Variants in NTSR2 observed in about 807,000 individuals in gnomAD.
NTSR2 encodes the protein neurotensin receptor 2, also known as neurotensin receptor type 2.
NTSR2 carries 22 observed loss-of-function variants against 24.1 expected under a neutral mutation model. That is an observed-to-expected ratio of 0.91 (90% CI 0.65 to 1.30). The LOEUF is 1.30. Among genes scored for constraint, NTSR2 ranks in the 50% most tolerant of loss-of-function variants. The pLI is 0.00. For missense variants in NTSR2, 570 were observed against 570.4 expected, an observed-to-expected ratio of 1.00 and a Z score of 0.01; for synonymous variants, 291 against 267.0, an observed-to-expected ratio of 1.09 and a Z score of -0.88.
At chr2:11,664,102 C>T (rs1360593428) in intron 1 of NTSR2, among the ~76,000 whole-genome samples, 3 of 150,590 alleles carry the variant, frequency 2.0e-5, no homozygotes, top group Admixed American at 6.7e-5. Flanking sequence ...TCCACCTTTC[C>T]CTTAGCAAAC....
intron 1 of NTSR2, 46 bp downstream of exon 1, chr2:11,669,460 G>GGGCGGGGGGGGGCC: frequency 3.9e-6 from 1 of 254,722 alleles, no homozygotes; most frequent in Non-Finnish European, 6.9e-6. Context: ...TCCCAGCACC[G>GGGCGGGGGGGGGCC]CCCCCCCACC....
At chr2:11,659,749 C>T (rs559066451) in intron 3 of NTSR2, among the ~76,000 whole-genome samples, 1 of 152,320 alleles carries the variant, frequency 6.6e-6, no homozygotes, top group African/African-American at 2.4e-5. Flanking sequence ...GCCTCAGAAG[C>T]ATGGCCCGTG....
At chr2:11,669,433 G>C in intron 1 of NTSR2, 73 bp downstream of exon 1, 1 of 943,174 alleles carries the variant, frequency 1.1e-6, no homozygotes, top group Non-Finnish European at 1.4e-6. Flanking sequence ...GTTCCCCGGG[G>C]AGAGGGGGTT....
At position 11,670,173 on chromosome 2, in the gene NTSR2, T is replaced by C; in HGVS notation, c.-44A>G. The stretch of plus-strand genomic sequence containing the variant: ...GCTCCCTCCCTCTCACTGCCCGGAG[T>C]CTGGGCGAGCTGCCTGGTTAGTGAG... On this transcript the variant is annotated 5_prime_UTR_variant, in exon 1 of 4. Coordinates refer to ENST00000306928, the MANE Select transcript of NTSR2 (RefSeq NM_012344.4). The C allele has an allele frequency of 7.4e-7, 1 of 1,357,196 alleles. No individual in the cohort carries two copies. 84.1% of individuals were successfully genotyped at this position (1,357,196 alleles called of 1,614,324 possible).
intron 1 of NTSR2, among the ~76,000 whole-genome samples, chr2:11,663,828 C>G (rs890660681): frequency 5.3e-5 from 8 of 152,040 alleles, no homozygotes; most frequent in African/African-American, 1.9e-4. Context: ...CTAGTATGCT[C>G]TTTAGAAATA....
In NTSR2 at chr2:11,658,348, G is replaced by A. The variant is rs1558693941; in HGVS notation, c.*131C>T. The stretch of plus-strand genomic sequence containing the variant: ...GCTTCCCTGCGCTTGATGGTTCTCA[G>A]CAGAGCAGGGGTTGATAGAAGTCGC... On this transcript the variant is annotated 3_prime_UTR_variant, in exon 4 of 4. Transcript: ENST00000306928. 4 of 1,299,574 alleles carry A rather than the reference G, an allele frequency of 3.1e-6. No individual in the cohort carries two copies. The East Asian group carries it at 9.3e-5, about 30-fold the overall frequency. The allele number at this position is 1,299,574 out of a possible 1,614,324, so 80.5% of individuals were successfully genotyped here.
In NTSR2 at chr2:11,658,627, G is replaced by T. The variant is rs1660987413; in HGVS notation, c.1085C>A (p.Ser362Tyr). The T allele has an allele frequency of 1.2e-6, 2 of 1,614,178 alleles. No homozygotes were observed. The highest frequency in any genetic ancestry group is 1.7e-6 in the Non-Finnish European group (2 of 1,180,024). ...AVTPLLYNAVSSSFRKLFLEA... is the reference protein window; with the variant it reads ...AVTPLLYNAVYSSFRKLFLEA... ...CAGGAAGAGTTTTCTGAAGGAGGAG[G>T]ACACGGCGTTGTAGAGAAGAGGAGT... The change falls in exon 4 of 4, where the codon TCC becomes TAC. Residue 362 changes from serine to tyrosine, a missense_variant. Ser to Tyr is a moderately radical substitution (Grantham distance 144). Transcript: ENST00000306928.
At chr2:11,668,372 G>A (rs1340136537) in intron 1 of NTSR2, among the ~76,000 whole-genome samples, 1 of 152,168 alleles carries the variant, frequency 6.6e-6, no homozygotes, top group Admixed American at 6.5e-5. Context: ...GACTGTGTAG[G>A]CAGGCTGGGC....
intron 1 of NTSR2, chr2:11,665,619 T>C (rs4233895): frequency 0.98 from 149,554 of 152,290 alleles, 73,449 homozygotes; most frequent in East Asian, 1. Flanking sequence ...CATACCTATG[T>C]AACTCCCAGT....
chr2:11,669,459 C>CGGGGGCGGGGGGG, intron 1 of NTSR2, 47 bp downstream of exon 1: 6 of 337,892 alleles, frequency 1.8e-5, no homozygotes, highest in Non-Finnish European at 2.1e-5. Flanking sequence ...CTCCCAGCAC[C>CGGGGGCGGGGGGG]GCCCCCCCAC....
intron 1 of NTSR2, among the ~76,000 whole-genome samples, chr2:11,663,551 A>G (rs746928732): frequency 6.6e-6 from 1 of 152,280 alleles, no homozygotes; most frequent in Non-Finnish European, 1.5e-5. Context: ...GCCATACATT[A>G]TTAACCGCAA....
At chr2:11,669,145 G>C (rs982002373) in intron 1 of NTSR2, among the ~76,000 whole-genome samples, 3 of 152,194 alleles carry the variant, frequency 2.0e-5, no homozygotes, top group Non-Finnish European at 4.4e-5. Flanking sequence ...GCCGTCTGGG[G>C]AGCTCGTTGG....
chr2:11,661,878 C>T (rs1661078410), intron 2 of NTSR2, 89 bp downstream of exon 2: 1 of 1,287,030 alleles, frequency 7.8e-7, no homozygotes, highest in Non-Finnish European at 1.1e-6. Flanking sequence ...GAGGTAGTGA[C>T]TTGCTGAGGT....
At chr2:11,660,155 G>A in intron 2 of NTSR2, 22 bp from the exon 3 acceptor site, 2 of 1,592,182 alleles carry the variant, frequency 1.3e-6, no homozygotes, top group South Asian at 1.1e-5. Flanking sequence ...TGGAAAGGGA[G>A]AGACAGCGCC....
At chr2:11,666,148 G>T (rs751270855) in intron 1 of NTSR2, among the ~76,000 whole-genome samples, 3 of 152,142 alleles carry the variant, frequency 2.0e-5, no homozygotes, top group Non-Finnish European at 2.9e-5. Flanking sequence ...AAAGTGGTGG[G>T]GAGACCTGGG....
At chr2:11,664,247 G>A (rs1249122143) in intron 1 of NTSR2, among the ~76,000 whole-genome samples, 1 of 151,704 alleles carries the variant, frequency 6.6e-6, no homozygotes, top group African/African-American at 2.4e-5. Flanking sequence ...CTCCCGAGTA[G>A]CTGGGACTAC....
chr2:11,662,275 C>T (rs764109744), intron 1 of NTSR2, 35 bp from the exon 2 acceptor site: 3 of 1,458,210 alleles, frequency 2.1e-6, no homozygotes, highest in Non-Finnish European at 2.7e-6. Context: ...TGGGGCAGCG[C>T]CAGGGCCCTG....
intron 1 of NTSR2, among the ~76,000 whole-genome samples, chr2:11,669,035 G>A (rs11689037): frequency 0.067 from 10,251 of 152,236 alleles, 499 homozygotes; most frequent in Admixed American, 0.12. Context: ...CAGGGAGACG[G>A]TAACAGGAAA....
In NTSR2 at chr2:11,662,047, A is replaced by G; in HGVS notation, c.818T>C (p.Ile273Thr). The change falls in exon 2 of 4, where the codon ATC becomes ACC. Residue 273 changes from isoleucine to threonine, a missense_variant. Coordinates refer to ENST00000306928, the MANE Select transcript of NTSR2 (RefSeq NM_012344.4). Reference sequence around the variant, plus strand: ...CACCAGGCTGACCTGGCCTCCCTGGATAAAGGTCTTCTTCCATACGATGAA... The same window carrying G: ...CACCAGGCTGACCTGGCCTCCCTGGGTAAAGGTCTTCTTCCATACGATGAA... ...LSFIVWKKTF[I>T]QGGQVSLVRH... 6.2e-7 allele frequency: 1 copy of G among 1,613,624 alleles called. No individual in the cohort carries two copies. The highest frequency in any genetic ancestry group is 8.5e-7 in the Non-Finnish European group (1 of 1,179,910).
Sources: gnomAD v4.1 joint callset for allele counts (sites outside exome capture counted in the v4.1 genomes callset) on GRCh38, gnomAD v4.1.1 for gene constraint, MANE v1.5 for transcripts, NCBI Gene and HGNC (gene_info 2026-07-23, HGNC 2026-07-21) for gene names.